The following ELAVL3 variants were observed in gnomAD, a reference collection of about 807,000 sequenced individuals.
ELAVL3 encodes the protein ELAV like RNA binding protein 3, also known as ELAV-like protein 3.
Under a neutral mutation model 34.2 loss-of-function variants are expected in ELAVL3, and 8 were observed. The ratio of observed to expected loss-of-function variants is 0.23; its 90% CI spans 0.14 to 0.42. The LOEUF (loss-of-function observed/expected upper bound fraction) is 0.42, where lower values mean the gene tolerates loss of function less well. Among genes scored for constraint, ELAVL3 ranks in the 10% least tolerant of loss-of-function variants. The pLI, the probability that ELAVL3 is intolerant of heterozygous loss-of-function variation, is 1.00. For missense variants in ELAVL3, 273 were observed against 518.8 expected, an observed-to-expected ratio of 0.53 and a Z score of 4.60; for synonymous variants, 209 against 222.1, an observed-to-expected ratio of 0.94 and a Z score of 0.53.
chr19:11,460,512 G>A (rs1371065750), intron 3 of ELAVL3, among the ~76,000 whole-genome samples: 2 of 151,920 alleles, frequency 1.3e-5, no homozygotes, highest in Admixed American at 6.6e-5. Flanking sequence ...TCTTCCCCAT[G>A]ACATCCTTGC....
At chr19:11,461,990 A>G (rs955087804) in intron 3 of ELAVL3, among the ~76,000 whole-genome samples, 1 of 152,030 alleles carries the variant, frequency 6.6e-6, no homozygotes, top group African/African-American at 2.4e-5. Flanking sequence ...CCTAGCTAAC[A>G]TGGTGAAACC....
At chr19:11,459,209 G>T (rs565979826) in intron 3 of ELAVL3, among the ~76,000 whole-genome samples, 1 of 145,604 alleles carries the variant, frequency 6.9e-6, no homozygotes, top group South Asian at 2.2e-4. Flanking sequence ...TGCAACCTCT[G>T]CTTACCGGGT....
chr19:11,475,893 G>T (rs616065), intron 1 of ELAVL3, among the ~76,000 whole-genome samples: 10,937 of 152,088 alleles, frequency 0.072, 690 homozygotes, highest in African/African-American at 0.17. Flanking sequence ...GGTATTACAG[G>T]CATAAGCCAC....
At chr19:11,473,297 G>A (rs777698129) in intron 1 of ELAVL3, among the ~76,000 whole-genome samples, 11 of 151,922 alleles carry the variant, frequency 7.2e-5, no homozygotes, top group South Asian at 2.1e-4. Context: ...CCCAGGAGAC[G>A]GAGCTTGCAA....
chr19:11,471,167 G>A (rs528547320), intron 1 of ELAVL3, among the ~76,000 whole-genome samples: 243 of 151,802 alleles, frequency 1.6e-3, no homozygotes, highest in Middle Eastern at 3.4e-3. Context: ...AAAATTAGCC[G>A]GGCATGGTGG....
intron 1 of ELAVL3, among the ~76,000 whole-genome samples, chr19:11,470,528 T>A (rs1019138604): frequency 4.9e-5 from 7 of 141,910 alleles, no homozygotes; most frequent in East Asian, 2.0e-4. Flanking sequence ...AAAAAAAAAA[T>A]TAGCCGGGCG....
In ELAVL3 at chr19:11,476,807, G is replaced by T. The variant is rs1483644436; in HGVS notation, c.9+3793C>A. 2.0e-5 allele frequency among the ~76,000 whole-genome samples: 3 copies of T among 152,102 alleles called. No homozygotes were observed. The East Asian group carries it at 5.8e-4, about 29-fold the overall frequency. On this transcript the variant is annotated intron_variant, in intron 1 of 6. Coordinates refer to ENST00000359227, the MANE Select transcript of ELAVL3 (RefSeq NM_001420.4). ...TCAACTACTCGAGAGGCTGAGGCAG[G>T]AGAATCACTTGAACCTGGGAGGCGG...
chr19:11,465,593 C>A (rs907022576), intron 3 of ELAVL3, among the ~76,000 whole-genome samples: 8 of 152,006 alleles, frequency 5.3e-5, no homozygotes, highest in African/African-American at 9.7e-5. Flanking sequence ...GGGCCACCCC[C>A]CCGACCCTGG....
Position 11,451,839 on chromosome 19 carries a change from GCCTGGCCCCCC to G in ELAVL3, c.*2676_*2686del. On this transcript the variant is annotated 3_prime_UTR_variant, in exon 7 of 7. Coordinates refer to ENST00000359227, the MANE Select transcript of ELAVL3 (RefSeq NM_001420.4). ...TGTGGGGAGGTGCCCCCTCTCTGGA[GCCTGGCCCCCC>G]CCAGGGTGGGGGACAAACCCAGCCC... 1 of 152,060 alleles carries G rather than the reference GCCTGGCCCCCC, an allele frequency of 6.6e-6. No homozygotes were observed. The highest frequency in any genetic ancestry group is 2.1e-4 in the South Asian group (1 of 4,826). The allele number at this position is 152,060 out of a possible 1,614,324, so 9.4% of individuals were successfully genotyped here. A position where few individuals can be genotyped will look rare whatever the true frequency, so the allele number is the denominator to read the frequency against.
rs529577010 is a variant in ELAVL3, at chr19:11,480,931, C to T, written c.-323G>A. ...GCGCTTCCCGACAGAGATCGCGGCG[C>T]TCTGCCTTTCGCCGCCGCCCCTCGG... On this transcript the variant is annotated 5_prime_UTR_variant, in exon 1 of 7. Transcript: ENST00000359227. The surrounding 1 kb of genome is among the most constrained non-coding windows in gnomAD (Gnocchi z 6.8). 6.7e-6 allele frequency: 2 copies of T among 297,260 alleles called. No individual in the cohort carries two copies. Among genetic ancestry groups the T allele is most frequent in the South Asian group, 1.6e-4 (1 of 6,390 alleles). 18.4% of individuals were successfully genotyped at this position (297,260 alleles called of 1,614,324 possible).
chr19:11,480,944 C>T lies in ELAVL3; in HGVS notation c.-336G>A, dbSNP rs1270731901. The T allele has an allele frequency of 3.7e-6, 1 of 272,052 alleles. No individual in the cohort carries two copies. Among genetic ancestry groups the T allele is most frequent in the Non-Finnish European group, 6.9e-6 (1 of 144,528 alleles). The allele number at this position is 272,052 out of a possible 1,614,324, so 16.9% of individuals were successfully genotyped here. A position where few individuals can be genotyped will look rare whatever the true frequency, so the allele number is the denominator to read the frequency against. The stretch of plus-strand genomic sequence containing the variant: ...GAGATCGCGGCGCTCTGCCTTTCGC[C>T]GCCGCCCCTCGGTCGGTCCTGTCCG... On this transcript the variant is annotated 5_prime_UTR_variant, in exon 1 of 7. Transcript: ENST00000359227. The surrounding 1 kb of genome is among the most constrained non-coding windows in gnomAD (Gnocchi z 6.8).
At chr19:11,456,650 A>C (rs780830111) in intron 6 of ELAVL3, among the ~76,000 whole-genome samples, 2 of 144,262 alleles carry the variant, frequency 1.4e-5, no homozygotes, top group Non-Finnish European at 1.5e-5. Context: ...CAGGCATGAG[A>C]CACCGCGCCC....
intron 3 of ELAVL3, among the ~76,000 whole-genome samples, chr19:11,460,276 CCCTGGCCCAG>C (rs1970855762): frequency 6.6e-6 from 1 of 152,074 alleles, no homozygotes; most frequent in Non-Finnish European, 1.5e-5. Flanking sequence ...CACTGTCCCA[CCCTGGCCCAG>C]CCTTCACTAC....
At chr19:11,464,732 CA>C (rs1970982604) in intron 3 of ELAVL3, among the ~76,000 whole-genome samples, 3 of 131,724 alleles carry the variant, frequency 2.3e-5, no homozygotes, top group African/African-American at 9.0e-5. Context: ...ACATCACACA[CA>C]CACCACACAC....
At chr19:11,455,017 G>T in intron 6 of ELAVL3, 140 bp from the exon 7 acceptor site, 2 of 922,258 alleles carry the variant, frequency 2.2e-6, no homozygotes, top group East Asian at 2.4e-5. Flanking sequence ...TTTTTTTTTA[G>T]AGACACGGTC....
intron 1 of ELAVL3, among the ~76,000 whole-genome samples, chr19:11,467,674 G>A (rs776535368): frequency 1.3e-5 from 2 of 151,978 alleles, no homozygotes; most frequent in Non-Finnish European, 2.9e-5. Flanking sequence ...AGTAGAGATG[G>A]GGTTTCGGCA....
chr19:11,478,095 G>A (rs997582138), intron 1 of ELAVL3, among the ~76,000 whole-genome samples: 1 of 152,174 alleles, frequency 6.6e-6, no homozygotes, highest in Non-Finnish European at 1.5e-5. Context: ...GGACACTGAG[G>A]GTTAGTCACA....
chr19:11,471,067 C>T lies in ELAVL3; in HGVS notation c.10-4240G>A, dbSNP rs1322008678. 4.6e-5 allele frequency among the ~76,000 whole-genome samples: 7 copies of T among 152,130 alleles called. 1 individual carries two copies. In the East Asian group the frequency reaches 1.4e-3, roughly 29 times the overall value. ...GTGGCTCATGCCTGTAATCCCAGCACTTTGGGAGGCCGAGGTGGGCGGATC... is the reference window on the plus strand; with the variant it reads ...GTGGCTCATGCCTGTAATCCCAGCATTTTGGGAGGCCGAGGTGGGCGGATC... On this transcript the variant is annotated intron_variant, in intron 1 of 6. Transcript: ENST00000359227.
At chr19:11,468,722 G>A (rs540105329) in intron 1 of ELAVL3, among the ~76,000 whole-genome samples, 95 of 152,080 alleles carry the variant, frequency 6.2e-4, no homozygotes, top group African/African-American at 2.3e-3. Flanking sequence ...CACCACGCCC[G>A]GCCCTTTATT....
Sources: allele counts gnomAD v4.1 joint callset (sites outside exome capture counted in the v4.1 genomes callset), GRCh38; gene constraint gnomAD v4.1.1; non-coding constraint Gnocchi (gnomAD v3.1); transcripts MANE v1.5; gene names NCBI Gene and HGNC (gene_info 2026-07-23, HGNC 2026-07-21).